NEK1: variants seen among roughly 807,000 people sequenced by gnomAD.
NEK1 encodes serine/threonine-protein kinase Nek1.
NEK1 carries 137 observed loss-of-function variants against 182.1 expected under a neutral mutation model. The observed-to-expected ratio is 0.75, with a 90% CI of 0.65 to 0.87. The LOEUF (loss-of-function observed/expected upper bound fraction) is 0.87. Ranked by LOEUF, NEK1 falls within the 40% of genes least tolerant of loss-of-function variation. The pLI is 0.00. For missense variants in NEK1, 1,391 were observed against 1,494.4 expected (o/e 0.93, Z 1.14); for synonymous variants, 513 against 492.2 (o/e 1.04, Z -0.56).
chr4:169,479,283 T>C, intron 24 of NEK1, 120 bp downstream of exon 24: 1 of 1,023,570 alleles, frequency 9.8e-7, no homozygotes, highest in Non-Finnish European at 1.4e-6. Flanking sequence ...CCTTAAAAAG[T>C]AATTTTTTTC....
intron 32 of NEK1, 72 bp from the exon 33 acceptor site, chr4:169,401,932 C>T (rs1731761987): frequency 7.7e-7 from 1 of 1,295,684 alleles, no homozygotes; most frequent in Admixed American, 2.5e-5. Flanking sequence ...CTAAAACTAC[C>T]TCATACTGAA....
intron 26 of NEK1, among the ~76,000 whole-genome samples, chr4:169,467,781 A>AT: frequency 1.3e-5 from 2 of 152,076 alleles, no homozygotes; most frequent in South Asian, 4.2e-4. Flanking sequence ...CCAGTTAAAG[A>AT]TTTTTCAACT....
chr4:169,508,357 T>A, intron 20 of NEK1, 26 bp from the exon 21 acceptor site: 6 of 1,517,544 alleles, frequency 4.0e-6, no homozygotes, highest in Non-Finnish European at 5.3e-6. Flanking sequence ...AACCCCAACA[T>A]AATAATGTAA....
At chr4:169,423,509 A>C in intron 31 of NEK1, among the ~76,000 whole-genome samples, 1 of 152,252 alleles carries the variant, frequency 6.6e-6, no homozygotes, top group South Asian at 2.1e-4. Flanking sequence ...AAAACACAGA[A>C]ACATAAATGT....
intron 23 of NEK1, among the ~76,000 whole-genome samples, chr4:169,499,365 G>T (rs1298984715): frequency 6.6e-6 from 1 of 152,084 alleles, no homozygotes; most frequent in Non-Finnish European, 1.5e-5. Context: ...CTTTAGCAAG[G>T]TGTAGTTTGA....
At position 169,401,846 on chromosome 4, in the gene NEK1, G is replaced by C; in HGVS notation, c.3389C>G (p.Thr1130Ser). 6.2e-7 allele frequency: 1 copy of C among 1,609,952 alleles called. No homozygotes were observed. Residue 1130 changes from threonine to serine, a missense_variant, in exon 33 of 36, where the codon ACT (threonine) becomes AGT (serine). This residue lies in a region of NEK1 where 1,216 missense variants were observed against 1,277.6 expected (regional missense o/e 0.95). Coordinates refer to ENST00000507142, the MANE Select transcript of NEK1 (RefSeq NM_001199397.3). ...CTGCAGCTCTTGTAAATCTGTGTCA[G>C]TTTCTTCAAACACACTGAAATTTAA... Reference protein sequence around the residue: ...SDSEDIVFEETDTDLQELQAS... With the variant: ...SDSEDIVFEESDTDLQELQAS...
chr4:169,590,725 CCT>C lies in NEK1; in HGVS notation c.395_396del (p.Asn133HisfsTer5), dbSNP rs1401364297. ...AAGTTATCAGTGACAGAATAACATA[CCT>C]GAGATTTAATGTCTCGATGAAGAAT... Reference protein sequence around the residue: ...RKILHRDIKSQNIFLTKDGTV... With the variant: ...RKILHRDIKSXNIFLTKDGTV... On this transcript the variant is annotated frameshift_variant and splice_region_variant, in exon 6 of 36. Coordinates refer to ENST00000507142, the MANE Select transcript of NEK1 (RefSeq NM_001199397.3). LOFTEE classifies it high-confidence loss of function. The C allele has an allele frequency of 6.3e-7, 1 of 1,578,870 alleles. No homozygotes were observed. The highest frequency in any genetic ancestry group is 8.6e-7 in the Non-Finnish European group (1 of 1,158,622).
chr4:169,453,468 C>G (rs1022293859), intron 27 of NEK1, among the ~76,000 whole-genome samples: 1 of 152,218 alleles, frequency 6.6e-6, no homozygotes, highest in Non-Finnish European at 1.5e-5. Context: ...GGCCCCAAAA[C>G]TGGCTATAAT....
At chr4:169,470,700 C>A (rs1227670258) in intron 26 of NEK1, among the ~76,000 whole-genome samples, 1 of 152,158 alleles carries the variant, frequency 6.6e-6, no homozygotes, top group Non-Finnish European at 1.5e-5. Flanking sequence ...CTGGATAATA[C>A]CTTCAAGTGT....
At chr4:169,527,658 G>T (rs533221156) in intron 19 of NEK1, among the ~76,000 whole-genome samples, 1 of 151,944 alleles carries the variant, frequency 6.6e-6, no homozygotes, top group East Asian at 1.9e-4. Context: ...TTATACAAAA[G>T]AAAAATATAG....
At chr4:169,433,740 A>G in intron 28 of NEK1, 75 bp from the exon 29 acceptor site, 3 of 1,425,952 alleles carry the variant, frequency 2.1e-6, no homozygotes, top group Admixed American at 2.0e-5. Flanking sequence ...ACTTGCTATA[A>G]ATTATTGCTA....
chr4:169,437,047 T>C (rs1038259403), intron 28 of NEK1, among the ~76,000 whole-genome samples: 3 of 152,188 alleles, frequency 2.0e-5, no homozygotes, highest in Admixed American at 6.5e-5. Flanking sequence ...AGAAGAGCCC[T>C]TGAGCACACC....
intron 19 of NEK1, among the ~76,000 whole-genome samples, chr4:169,535,320 G>T (rs551438921): frequency 3.3e-5 from 5 of 151,764 alleles, no homozygotes; most frequent in African/African-American, 9.7e-5. Flanking sequence ...CGAAAACTCT[G>T]TCTCAAAAAA....
intron 27 of NEK1, among the ~76,000 whole-genome samples, chr4:169,456,674 T>C (rs952697958): frequency 2.6e-5 from 4 of 152,136 alleles, no homozygotes; most frequent in African/African-American, 9.7e-5. Context: ...ACTAAAAATA[T>C]AGCTACCATA....
intron 10 of NEK1, among the ~76,000 whole-genome samples, chr4:169,584,571 T>C (rs1767213819): frequency 6.6e-6 from 1 of 151,942 alleles, no homozygotes; most frequent in Admixed American, 6.6e-5. Flanking sequence ...ATGATCATGA[T>C]ACTGCATTCC....
intron 23 of NEK1, among the ~76,000 whole-genome samples, chr4:169,489,485 G>C (rs1225502979): frequency 6.6e-6 from 1 of 152,160 alleles, no homozygotes; most frequent in Non-Finnish European, 1.5e-5. Flanking sequence ...TGAAGCACAG[G>C]CTAAGTATGG....
chr4:169,417,510 G>A (rs898738582), intron 31 of NEK1, among the ~76,000 whole-genome samples: 3 of 152,188 alleles, frequency 2.0e-5, no homozygotes, highest in Admixed American at 2.0e-4. Context: ...GTAGATTGAT[G>A]AAATAGATGA....
intron 5 of NEK1, among the ~76,000 whole-genome samples, chr4:169,598,177 T>C (rs1165432338): frequency 6.6e-6 from 1 of 152,018 alleles, no homozygotes; most frequent in Non-Finnish European, 1.5e-5. Flanking sequence ...AACTTTAGAG[T>C]TAGAGGTGGG....
chr4:169,571,991 A>G (rs957759632), intron 12 of NEK1, among the ~76,000 whole-genome samples: 2 of 151,646 alleles, frequency 1.3e-5, no homozygotes, highest in Non-Finnish European at 2.9e-5. Context: ...CAAGGTCACA[A>G]GGCCCACCTC....
Sources: allele counts gnomAD v4.1 joint callset (sites outside exome capture counted in the v4.1 genomes callset), GRCh38; gene constraint gnomAD v4.1.1; regional missense constraint gnomAD v4.1.1; transcripts MANE v1.5; gene names NCBI Gene and HGNC (gene_info 2026-07-23, HGNC 2026-07-21).